HSD17B6: variants seen among roughly 807,000 people sequenced by gnomAD.
HSD17B6 encodes hydroxysteroid 17-beta dehydrogenase 6, also known as 17-beta-hydroxysteroid dehydrogenase type 6.
Under a neutral mutation model 26.4 loss-of-function variants are expected in HSD17B6, and 16 were observed. The observed-to-expected ratio is 0.61, with a 90% CI of 0.41 to 0.92. The LOEUF (loss-of-function observed/expected upper bound fraction) is 0.92. Among genes scored for constraint, HSD17B6 ranks in the 40% least tolerant of loss-of-function variants. The probability of loss-of-function intolerance (pLI) is 0.00; values close to 1 mark genes in which losing one functional copy is unlikely to be tolerated. For synonymous variants in HSD17B6, 139 were observed against 153.0 expected (o/e 0.91, Z 0.68); for missense variants, 357 against 386.1 (o/e 0.92, Z 0.63).
chr12:56,767,002 T>A, intron 1 of HSD17B6, among the ~76,000 whole-genome samples: 1 of 152,008 alleles, frequency 6.6e-6, no homozygotes, highest in East Asian at 1.9e-4. Flanking sequence ...TCAGCTAATT[T>A]TTGTATTTTT....
At chr12:56,784,704 CG>C (rs1448040201) in intron 3 of HSD17B6, 148 bp from the exon 4 acceptor site, 5 of 751,428 alleles carry the variant, frequency 6.7e-6, no homozygotes, top group Non-Finnish European at 1.1e-5. Context: ...GAGAGGGAGA[CG>C]AGGGAGAGGG....
intron 1 of HSD17B6, among the ~76,000 whole-genome samples, chr12:56,773,592 G>A (rs1026093309): frequency 1.1e-4 from 16 of 152,180 alleles, no homozygotes; most frequent in South Asian, 2.1e-4. Flanking sequence ...CTAGGCTATC[G>A]GTCATCTTCC....
At chr12:56,765,326 C>T (rs1490620652) in intron 1 of HSD17B6, among the ~76,000 whole-genome samples, 1 of 151,550 alleles carries the variant, frequency 6.6e-6, no homozygotes, top group Non-Finnish European at 1.5e-5. Context: ...GTCCCAGCTA[C>T]TCAGGAGGCT....
intron 1 of HSD17B6, among the ~76,000 whole-genome samples, chr12:56,769,077 A>G (rs1442201369): frequency 6.7e-6 from 1 of 149,308 alleles, no homozygotes; most frequent in Non-Finnish European, 1.5e-5. Flanking sequence ...GGGGCTGTGC[A>G]GAGAGGGCAG....
At chr12:56,784,340 G>T (rs1954825836) in intron 3 of HSD17B6, among the ~76,000 whole-genome samples, 1 of 152,212 alleles carries the variant, frequency 6.6e-6, no homozygotes, top group South Asian at 2.1e-4. Context: ...GGGAGGTGGA[G>T]GTTGTAGCGA....
At chr12:56,781,914 T>A in intron 2 of HSD17B6, 60 bp from the exon 3 acceptor site, 1 of 1,563,530 alleles carries the variant, frequency 6.4e-7, no homozygotes, top group South Asian at 1.2e-5. Context: ...CCCACCAAAG[T>A]TCAAAATAGA....
intron 4 of HSD17B6, among the ~76,000 whole-genome samples, chr12:56,785,285 A>G (rs1449836198): frequency 6.6e-6 from 1 of 152,188 alleles, no homozygotes; most frequent in Non-Finnish European, 1.5e-5. Context: ...CTAAAAGAAC[A>G]GCATATGGGA....
Position 56,784,532 on chromosome 12 carries a change from T to C in HSD17B6, c.573-321T>C, listed in dbSNP as rs1361434135. 3.3e-5 allele frequency among the ~76,000 whole-genome samples: 5 copies of C among 152,146 alleles called. No homozygotes were observed. In the East Asian group the frequency reaches 9.7e-4, roughly 29 times the overall value. Reference sequence around the variant, plus strand: ...TCCACCAAAAAAATACGAAAACCAGTCAGGCATGGTGGTGCATGCCTGCAA... The same window carrying C: ...TCCACCAAAAAAATACGAAAACCAGCCAGGCATGGTGGTGCATGCCTGCAA... On this transcript the variant is annotated intron_variant, in intron 3 of 4. Transcript: ENST00000322165.
In HSD17B6 at chr12:56,786,155, T is replaced by C. The variant is rs78378838; in HGVS notation, c.737-970T>C. 1,382 of 165,198 alleles carry C rather than the reference T, an allele frequency of 8.4e-3. 10 individuals are homozygous for C. Among genetic ancestry groups the C allele is most frequent in the Non-Finnish European group, 0.013 (1,038 of 80,004 alleles). The allele number at this position is 165,198 out of a possible 1,614,324, so 10.2% of individuals were successfully genotyped here. A position where few individuals can be genotyped will look rare whatever the true frequency, so the allele number is the denominator to read the frequency against. ...TTATGATATATGAATATCTCAATAA[T>C]GTTAAAAAAATTTCCAGTTGAAAAA... On this transcript the variant is annotated intron_variant, in intron 4 of 4. Coordinates refer to ENST00000322165, the MANE Select transcript of HSD17B6 (RefSeq NM_003725.4).
intron 1 of HSD17B6, 138 bp from the exon 2 acceptor site, chr12:56,773,696 C>T (rs1954525350): frequency 3.9e-6 from 3 of 767,586 alleles, no homozygotes; most frequent in African/African-American, 3.5e-5. Flanking sequence ...TAGACTGTGG[C>T]CCCTTGAGGG....
At chr12:56,767,633 T>C (rs997293292) in intron 1 of HSD17B6, among the ~76,000 whole-genome samples, 5 of 144,976 alleles carry the variant, frequency 3.4e-5, no homozygotes, top group African/African-American at 1.3e-4. Flanking sequence ...ACATATATAT[T>C]ATATTAATAT....
intron 1 of HSD17B6, among the ~76,000 whole-genome samples, chr12:56,769,355 G>A (rs1954419909): frequency 6.6e-6 from 1 of 152,162 alleles, no homozygotes; most frequent in Non-Finnish European, 1.5e-5. Context: ...GCCTGCCTCA[G>A]CTTCCCAAAG....
rs147344470 is a variant in HSD17B6 at position 56,774,089 on chromosome 12, G to A, written c.237G>A (p.Thr79=). Residue 79 remains threonine, a synonymous_variant, in exon 2 of 5, where the codon ACG becomes ACA. Transcript: ENST00000322165. ...LRGQTSDRLE[T]VTLDVTKMES... ...GCCAGACGTCTGACAGGCTGGAGACGGTGACCCTGGATGTTACCAAGATGG... is the reference window on the plus strand; with the variant it reads ...GCCAGACGTCTGACAGGCTGGAGACAGTGACCCTGGATGTTACCAAGATGG... The A allele has an allele frequency of 4.9e-4, 796 of 1,613,074 alleles. 2 individuals are homozygous for A. In the African/African-American group the frequency reaches 9.3e-3, roughly 19 times the overall value.
chr12:56,766,705 G>A (rs573999469), intron 1 of HSD17B6, among the ~76,000 whole-genome samples: 3 of 152,262 alleles, frequency 2.0e-5, no homozygotes, highest in South Asian at 4.1e-4. Flanking sequence ...GAGGGGAAGT[G>A]AGAGTGACAC....
chr12:56,769,216 C>G (rs981828690), intron 1 of HSD17B6, among the ~76,000 whole-genome samples: 18 of 150,908 alleles, frequency 1.2e-4, no homozygotes, highest in African/African-American at 4.4e-4. Flanking sequence ...GATTCTTGTG[C>G]CTCCGCCTCC....
In HSD17B6 at chr12:56,787,191, T is replaced by G; in HGVS notation, c.803T>G (p.Met268Arg). The G allele has an allele frequency of 6.2e-7, 1 of 1,614,234 alleles. No individual in the cohort carries two copies. Among genetic ancestry groups the G allele is most frequent in the Non-Finnish European group, 8.5e-7 (1 of 1,180,036 alleles). Reference protein sequence around the residue: ...STNLNLVTDCMEHALTSVHPR... With the variant: ...STNLNLVTDCREHALTSVHPR... ...AACCTGAACCTGGTCACTGACTGCA[T>G]GGAACATGCTCTGACATCGGTGCAT... The change falls in exon 5 of 5, where the codon ATG (methionine) becomes AGG (arginine). Residue 268 changes from methionine to arginine, a missense_variant. Met to Arg is a moderately conservative substitution (Grantham distance 91). Transcript: ENST00000322165.
chr12:56,763,606 G>A (rs1300435895), intron 1 of HSD17B6, among the ~76,000 whole-genome samples, 192 bp downstream of exon 1: 1 of 151,894 alleles, frequency 6.6e-6, no homozygotes. Context: ...CTGCTTTTTT[G>A]ATCTTTACTC....
At chr12:56,777,301 G>T (rs1215821944) in intron 2 of HSD17B6, among the ~76,000 whole-genome samples, 1 of 151,710 alleles carries the variant, frequency 6.6e-6, no homozygotes, top group Non-Finnish European at 1.5e-5. Flanking sequence ...TCTCCATGTT[G>T]CCCATGTTGG....
intron 1 of HSD17B6, among the ~76,000 whole-genome samples, chr12:56,772,994 A>G (rs1053807469): frequency 6.6e-6 from 1 of 152,172 alleles, no homozygotes; most frequent in African/African-American, 2.4e-5. Context: ...ACCTCTACCT[A>G]TGTTGTTATG....
Sources: allele counts gnomAD v4.1 joint callset (sites outside exome capture counted in the v4.1 genomes callset), GRCh38; gene constraint gnomAD v4.1.1; transcripts MANE v1.5; gene names NCBI Gene and HGNC (gene_info 2026-07-23, HGNC 2026-07-21).